SMIM3: variants seen among roughly 807,000 people sequenced by gnomAD.
SMIM3 encodes the protein small integral membrane protein 3, also known as NGF-induced differentiation clone 67 protein.
SMIM3 carries 4 observed loss-of-function variants against 2.1 expected under a neutral mutation model. That is an observed-to-expected ratio of 1.89 (90% CI 0.93 to 4.31). SMIM3 has a LOEUF of 4.31. Among genes scored for constraint, SMIM3 ranks in the 30% most tolerant of loss-of-function variants. SMIM3 has a pLI of 0.01. For missense variants in SMIM3, 79 were observed against 77.7 expected (o/e 1.02, Z -0.06); for synonymous variants, 29 against 30.8 (o/e 0.94, Z 0.19).
chr5:150,793,947 C>A (rs982560353), intron 1 of SMIM3, among the ~76,000 whole-genome samples: 4 of 152,140 alleles, frequency 2.6e-5, no homozygotes, highest in African/African-American at 7.2e-5. Flanking sequence ...TATCCAGAAT[C>A]TACAACGAAC....
chr5:150,780,426 G>A (rs1280827012), intron 1 of SMIM3, among the ~76,000 whole-genome samples: 3 of 152,132 alleles, frequency 2.0e-5, no homozygotes, highest in East Asian at 1.9e-4. Flanking sequence ...TGCTCCAGCC[G>A]GGACCTCCTG....
chr5:150,793,030 G>T (rs528503414), intron 1 of SMIM3, among the ~76,000 whole-genome samples: 1 of 144,920 alleles, frequency 6.9e-6, no homozygotes, highest in Non-Finnish European at 1.5e-5. Context: ...TTCAATTTGC[G>T]TGTATTTTTT....
At chr5:150,792,805 G>C (rs1458026724) in intron 1 of SMIM3, among the ~76,000 whole-genome samples, 1 of 152,254 alleles carries the variant, frequency 6.6e-6, no homozygotes, top group African/African-American at 2.4e-5. Context: ...GATTCCCAAA[G>C]TGTTGGGGTT....
rs746685675 is a variant in SMIM3, at chr5:150,795,519, A to G, written c.79A>G (p.Ile27Val). The stretch of plus-strand genomic sequence containing the variant: ...GGATATCTGGGTTATTGTCCTCATC[A>G]TCCTGGCCACCATTGTCATCATGAC... ...ILDIWVIVLI[I>V]LATIVIMTSL... Residue 27 changes from isoleucine (I) to valine (V), a missense_variant, in exon 2 of 2, where the codon ATC becomes GTC. By Grantham distance (29) the Ile-to-Val change is conservative (BLOSUM62 3). Coordinates refer to ENST00000526627, the MANE Select transcript of SMIM3 (RefSeq NM_032947.5). 53 of 1,613,086 alleles carry G rather than the reference A, an allele frequency of 3.3e-5. No individual in the cohort carries two copies. Among genetic ancestry groups the G allele is most frequent in the Non-Finnish European group, 4.3e-5 (51 of 1,179,864 alleles).
chr5:150,785,553 T>TCTCAG (rs1377242265), intron 1 of SMIM3, among the ~76,000 whole-genome samples: 9 of 151,564 alleles, frequency 5.9e-5, no homozygotes, highest in Non-Finnish European at 1.3e-4. Context: ...TATCTTTGGA[T>TCTCAG]CTCAGCAGAT....
intron 1 of SMIM3, among the ~76,000 whole-genome samples, chr5:150,793,320 A>G (rs998202703): frequency 3.9e-5 from 6 of 152,206 alleles, no homozygotes; most frequent in African/African-American, 1.4e-4. Context: ...AGAAAAAACA[A>G]TTCCAAAATT....
intron 1 of SMIM3, among the ~76,000 whole-genome samples, chr5:150,789,451 C>T (rs879396725): frequency 3.3e-5 from 5 of 152,098 alleles, no homozygotes; most frequent in East Asian, 1.9e-4. Flanking sequence ...GTTTGAGTTT[C>T]GAGAAGAGTG....
At chr5:150,780,576 C>T (rs1173172415) in intron 1 of SMIM3, among the ~76,000 whole-genome samples, 13 of 151,974 alleles carry the variant, frequency 8.6e-5, no homozygotes, top group Non-Finnish European at 1.8e-4. Context: ...AGAGAACAGC[C>T]AGAGAACCAC....
At chr5:150,783,902 G>C (rs1007028063) in intron 1 of SMIM3, among the ~76,000 whole-genome samples, 4 of 149,680 alleles carry the variant, frequency 2.7e-5, no homozygotes, top group Admixed American at 6.6e-5. Context: ...AATGGCAGAG[G>C]CTTTGAACTC....
At position 150,778,778 on chromosome 5, in the gene SMIM3, G is replaced by T. The variant is rs563273333; in HGVS notation, c.-206G>T. On this transcript the variant is annotated 5_prime_UTR_variant, in exon 1 of 2. Coordinates refer to ENST00000526627, the MANE Select transcript of SMIM3 (RefSeq NM_032947.5). ...CCGCGCATTCCAGAGCCAGCAGCGC[G>T]TCCTGGCCGCTCCTGCGCTCTCCCG... 12 of 460,232 alleles carry T rather than the reference G, an allele frequency of 2.6e-5. No homozygotes were observed. Among genetic ancestry groups the T allele is most frequent in the Non-Finnish European group, 5.0e-5 (11 of 222,160 alleles). The allele number at this position is 460,232 out of a possible 1,614,324, so 28.5% of individuals were successfully genotyped here. A position where few individuals can be genotyped will look rare whatever the true frequency, so the allele number is the denominator to read the frequency against.
rs796909997 is a variant in SMIM3 at position 150,785,062 on chromosome 5, AT to A, written c.-12+6100del. 6.6e-3 allele frequency among the ~76,000 whole-genome samples: 515 copies of A among 77,472 alleles called. 3 individuals carry two copies. The highest frequency in any genetic ancestry group is 0.019 in the African/African-American group (458 of 24,396). The allele number at this position is 77,472 out of a possible 152,430, so 50.8% of individuals were successfully genotyped here. ...TTGCTCTTGAATACTTTAATTCTGT[AT>A]TTTTTTTTTCTGAAAATGTCTTTTT... is the stretch of plus-strand genomic sequence containing the variant. On this transcript the variant is annotated intron_variant, in intron 1 of 1. Coordinates refer to ENST00000526627, the MANE Select transcript of SMIM3 (RefSeq NM_032947.5).
At chr5:150,780,362 A>G in intron 1 of SMIM3, among the ~76,000 whole-genome samples, 1 of 152,192 alleles carries the variant, frequency 6.6e-6, no homozygotes, top group Non-Finnish European at 1.5e-5. Context: ...GCTGAGCTTT[A>G]GGACATCATG....
chr5:150,795,420 TC>T lies in SMIM3; in HGVS notation c.-11-9del. Reference sequence around the variant, plus strand: ...ACGCAACAGTGATCTTCCTTTCTTGTCTGTTGCAGAGTGAAGCAACATGGAT... The same window carrying T: ...ACGCAACAGTGATCTTCCTTTCTTGTTGTTGCAGAGTGAAGCAACATGGAT... On this transcript the variant is annotated splice_polypyrimidine_tract_variant and intron_variant, in intron 1 of 1. Coordinates refer to ENST00000526627, the MANE Select transcript of SMIM3 (RefSeq NM_032947.5). 6.2e-7 allele frequency: 1 copy of T among 1,613,508 alleles called. No individual in the cohort carries two copies.
chr5:150,781,418 G>A (rs985245155), intron 1 of SMIM3, among the ~76,000 whole-genome samples: 1 of 152,200 alleles, frequency 6.6e-6, no homozygotes, highest in African/African-American at 2.4e-5. Flanking sequence ...GTTAGGAAGG[G>A]GAACTGCTCA....
chr5:150,787,321 A>G (rs60562016), intron 1 of SMIM3, among the ~76,000 whole-genome samples: 22,004 of 152,154 alleles, frequency 0.14, 2,862 homozygotes, highest in African/African-American at 0.34. Context: ...TTTTGGTCCC[A>G]CTTTTCTAGC....
intron 1 of SMIM3, among the ~76,000 whole-genome samples, chr5:150,790,413 C>T (rs551401799): frequency 1.3e-5 from 2 of 152,230 alleles, no homozygotes; most frequent in African/African-American, 4.8e-5. Context: ...TGATTTATCC[C>T]GCCCCCGGTC....
intron 1 of SMIM3, 99 bp from the exon 2 acceptor site, chr5:150,795,331 G>C: frequency 8.0e-7 from 1 of 1,243,342 alleles, no homozygotes; most frequent in African/African-American, 1.5e-5. Flanking sequence ...TTACATATCT[G>C]GTAAGTGACC....
intron 1 of SMIM3, among the ~76,000 whole-genome samples, chr5:150,794,230 G>A (rs1399185007): frequency 6.6e-6 from 1 of 152,192 alleles, no homozygotes; most frequent in Non-Finnish European, 1.5e-5. Flanking sequence ...TGGTGGGAGT[G>A]TAAACTAGTA....
At chr5:150,781,550 T>G (rs1370093305) in intron 1 of SMIM3, among the ~76,000 whole-genome samples, 1 of 152,208 alleles carries the variant, frequency 6.6e-6, no homozygotes, top group South Asian at 2.1e-4. Flanking sequence ...TGCACTCTGA[T>G]TGGCTGATTG....
Sources: gnomAD v4.1 joint callset for allele counts (sites outside exome capture counted in the v4.1 genomes callset) on GRCh38, gnomAD v4.1.1 for gene constraint, MANE v1.5 for transcripts, NCBI Gene and HGNC (gene_info 2026-07-23, HGNC 2026-07-21) for gene names.